The following STAC variants were observed in gnomAD, a reference collection of about 807,000 sequenced individuals.
STAC encodes SH3 and cysteine rich domain.
STAC carries 43 observed loss-of-function variants against 48.8 expected under a neutral mutation model. The ratio of observed to expected loss-of-function variants is 0.88; its 90% CI spans 0.69 to 1.14. The LOEUF is 1.14. Ranked by LOEUF, STAC falls within the 50% of genes most tolerant of loss-of-function variation. STAC has a pLI of 0.00. For missense variants in STAC, 497 were observed against 504.0 expected (o/e 0.99, Z 0.13); for synonymous variants, 193 against 179.5 (o/e 1.07, Z -0.60).
chr3:36,405,292 C>T (rs1700069281), intron 1 of STAC, among the ~76,000 whole-genome samples: 1 of 152,194 alleles, frequency 6.6e-6, no homozygotes, highest in Non-Finnish European at 1.5e-5. Context: ...CCACACTCCC[C>T]AAGTGTTCCA....
chr3:36,456,133 T>C (rs1696849605), intron 2 of STAC, among the ~76,000 whole-genome samples: 1 of 152,082 alleles, frequency 6.6e-6, no homozygotes, highest in African/African-American at 2.4e-5. Context: ...AGCAAGACTG[T>C]GGTTTAAAGG....
chr3:36,492,066 A>ATG (rs1698001447), intron 5 of STAC, among the ~76,000 whole-genome samples: 3 of 104,514 alleles, frequency 2.9e-5, no homozygotes, highest in South Asian at 3.7e-4. Flanking sequence ...ATATATATAT[A>ATG]TGTGACTGTC....
intron 1 of STAC, among the ~76,000 whole-genome samples, chr3:36,442,914 T>G (rs1696393340): frequency 6.6e-6 from 1 of 152,164 alleles, no homozygotes; most frequent in Non-Finnish European, 1.5e-5. Context: ...ACTCTTCTGC[T>G]TTGCTGTGTG....
At chr3:36,445,145 C>T (rs1696472635) in intron 2 of STAC, among the ~76,000 whole-genome samples, 2 of 152,060 alleles carry the variant, frequency 1.3e-5, no homozygotes, top group African/African-American at 4.8e-5. Context: ...AAATGAGTAA[C>T]AGAAATGAGT....
At chr3:36,436,540 G>A (rs967814153) in intron 1 of STAC, among the ~76,000 whole-genome samples, 1 of 152,138 alleles carries the variant, frequency 6.6e-6, no homozygotes, top group Admixed American at 6.5e-5. Flanking sequence ...TTGATCTCTT[G>A]TTGGGGCCAC....
At chr3:36,541,656 T>A (rs1699329845) in intron 10 of STAC, among the ~76,000 whole-genome samples, 1 of 152,118 alleles carries the variant, frequency 6.6e-6, no homozygotes, top group Non-Finnish European at 1.5e-5. Context: ...CTCTGGAGAA[T>A]GAGATTGGGA....
chr3:36,464,020 T>C (rs1559501563), intron 2 of STAC, among the ~76,000 whole-genome samples: 1 of 152,240 alleles, frequency 6.6e-6, no homozygotes. Flanking sequence ...TTATAATCCT[T>C]TGGGTATATA....
At chr3:36,482,641 G>A (rs1395592534) in intron 2 of STAC, among the ~76,000 whole-genome samples, 1 of 152,086 alleles carries the variant, frequency 6.6e-6, no homozygotes, top group Non-Finnish European at 1.5e-5. Context: ...CAAATTTCGG[G>A]ACTTGCACTA....
intron 2 of STAC, among the ~76,000 whole-genome samples, chr3:36,459,056 T>C (rs936760751): frequency 6.6e-6 from 1 of 152,188 alleles, no homozygotes; most frequent in African/African-American, 2.4e-5. Flanking sequence ...ATTCAGCAAG[T>C]AACTTATAAG....
At chr3:36,474,367 C>G (rs950480799) in intron 2 of STAC, among the ~76,000 whole-genome samples, 1 of 152,204 alleles carries the variant, frequency 6.6e-6, no homozygotes, top group Non-Finnish European at 1.5e-5. Context: ...CAACTTCATC[C>G]TCATTGACCA....
chr3:36,472,931 C>A (rs1697380021), intron 2 of STAC, among the ~76,000 whole-genome samples: 1 of 152,206 alleles, frequency 6.6e-6, no homozygotes, highest in African/African-American at 2.4e-5. Context: ...ATCTTTTCAG[C>A]AATGCCCCAC....
chr3:36,533,084 C>A (rs1335200150), intron 10 of STAC, among the ~76,000 whole-genome samples: 2 of 152,130 alleles, frequency 1.3e-5, no homozygotes, highest in Non-Finnish European at 2.9e-5. Context: ...TTTCCACTAG[C>A]CATGTGCCCT....
At chr3:36,398,320 CAAGAAAGAAAGAAAGA>C (rs71288102) in intron 1 of STAC, among the ~76,000 whole-genome samples, 976 of 82,218 alleles carry the variant, frequency 0.012, 6 homozygotes, top group Middle Eastern at 0.022. Context: ...AGAAAGAAAG[CAAGAAAGAAAGAAAGA>C]AAGAAAGAAA....
chr3:36,427,884 T>C (rs1431336365), intron 1 of STAC, among the ~76,000 whole-genome samples: 4 of 152,164 alleles, frequency 2.6e-5, no homozygotes, highest in African/African-American at 9.7e-5. Flanking sequence ...ACCAAAAATA[T>C]GTGTAACCTG....
Position 36,483,009 on chromosome 3 carries a change from G to T in STAC, c.406G>T (p.Gly136Ter). Residue 136 changes from glycine (G) to a stop codon, truncating the protein, a stop_gained, in exon 3 of 11, where the codon GGA (glycine) becomes TGA (stop). Transcript: ENST00000273183. LOFTEE classifies it high-confidence loss of function. ...HMIVGTNAKH[G>*]LRCKACKMSI... ...CCTGACAGGAACAAATGCTAAGCAT[G>T]GACTGCGCTGCAAAGCCTGTAAGAT... The T allele has an allele frequency of 6.8e-6, 11 of 1,614,052 alleles. No individual in the cohort carries two copies. Among genetic ancestry groups the T allele is most frequent in the Non-Finnish European group, 9.3e-6 (11 of 1,179,916 alleles).
chr3:36,453,376 G>T (rs1353265880), intron 2 of STAC, among the ~76,000 whole-genome samples: 1 of 152,200 alleles, frequency 6.6e-6, no homozygotes, highest in Non-Finnish European at 1.5e-5. Flanking sequence ...GGGGCTGCGC[G>T]CGGTGCTTGC....
intron 10 of STAC, among the ~76,000 whole-genome samples, chr3:36,530,960 G>A (rs1699051556): frequency 6.6e-6 from 1 of 152,120 alleles, no homozygotes; most frequent in Non-Finnish European, 1.5e-5. Flanking sequence ...AAAGAAAAAT[G>A]ATAATATGGA....
At chr3:36,502,415 C>A (rs1698302218) in intron 6 of STAC, among the ~76,000 whole-genome samples, 1 of 152,148 alleles carries the variant, frequency 6.6e-6, no homozygotes, top group South Asian at 2.1e-4. Flanking sequence ...TCCATTTCTT[C>A]TTGCAACCAT....
chr3:36,399,262 G>C (rs1274333468), intron 1 of STAC, among the ~76,000 whole-genome samples: 1 of 152,188 alleles, frequency 6.6e-6, no homozygotes, highest in Non-Finnish European at 1.5e-5. Context: ...TCTGGATTGG[G>C]CACCCACAGC....
Sources: allele counts gnomAD v4.1 joint callset (sites outside exome capture counted in the v4.1 genomes callset), GRCh38; gene constraint gnomAD v4.1.1; transcripts MANE v1.5; gene names NCBI Gene and HGNC (gene_info 2026-07-23, HGNC 2026-07-21).